GPHN: variants seen among roughly 807,000 people sequenced by gnomAD.
The protein encoded by GPHN is gephyrin.
GPHN carries 17 observed loss-of-function variants against 95.5 expected under a neutral mutation model. The ratio of observed to expected loss-of-function variants is 0.18; its 90% confidence interval spans 0.12 to 0.27. The LOEUF is 0.27. Among genes scored for constraint, GPHN ranks in the 10% least tolerant of loss-of-function variants. The probability of loss-of-function intolerance (pLI) is 1.00; values close to 1 mark genes in which losing one functional copy is unlikely to be tolerated. For missense variants in GPHN, 660 were observed against 978.1 expected (o/e 0.67, Z 4.34); for synonymous variants, 320 against 322.5 (o/e 0.99, Z 0.08).
the GPHN span, among the ~76,000 whole-genome samples, chr14:67,187,400 C>G: frequency 6.6e-6 from 1 of 152,088 alleles, no homozygotes; most frequent in African/African-American, 2.4e-5. Context: ...CTCCCTAAGC[C>G]CAGTGAGTCA....
At chr14:67,344,985 T>A in the GPHN span, among the ~76,000 whole-genome samples, 36 of 151,948 alleles carry the variant, frequency 2.4e-4, no homozygotes, top group Non-Finnish European at 3.8e-4. Flanking sequence ...CTCATACCTA[T>A]AATCCCAGCA....
At chr14:66,838,896 A>G (rs1026018232) in intron 4 of GPHN, among the ~76,000 whole-genome samples, 1 of 152,198 alleles carries the variant, frequency 6.6e-6, no homozygotes, top group African/African-American at 2.4e-5. Context: ...AGGGCAGAAT[A>G]TTTGTAACTT....
the GPHN span, among the ~76,000 whole-genome samples, chr14:67,403,040 A>G: frequency 6.6e-6 from 1 of 152,170 alleles, no homozygotes; most frequent in Non-Finnish European, 1.5e-5. Flanking sequence ...TCTCACCAAC[A>G]GTGTAGGAGG....
At chr14:66,768,806 T>C (rs1343318301) in intron 2 of GPHN, among the ~76,000 whole-genome samples, 1 of 151,716 alleles carries the variant, frequency 6.6e-6, no homozygotes, top group African/African-American at 2.4e-5. Flanking sequence ...AATATAGGAG[T>C]TTATTTCTAA....
At chr14:67,556,364 G>A in the GPHN span, among the ~76,000 whole-genome samples, 1 of 152,214 alleles carries the variant, frequency 6.6e-6, no homozygotes, top group Non-Finnish European at 1.5e-5. Context: ...TCAAACTGCT[G>A]GGCTCAAGCT....
the GPHN span, among the ~76,000 whole-genome samples, chr14:67,249,841 T>C: frequency 6.6e-6 from 1 of 152,240 alleles, no homozygotes; most frequent in Non-Finnish European, 1.5e-5. Context: ...TTGTGTGTTT[T>C]AGAAGTGCCT....
At chr14:66,565,196 A>G (rs530677548) in intron 1 of GPHN, among the ~76,000 whole-genome samples, 6 of 152,264 alleles carry the variant, frequency 3.9e-5, no homozygotes, top group African/African-American at 9.6e-5. Context: ...TTTGTTTTGT[A>G]GGAGAGATAG....
the GPHN span, among the ~76,000 whole-genome samples, chr14:67,240,279 G>A: frequency 6.6e-6 from 1 of 152,184 alleles, no homozygotes; most frequent in Non-Finnish European, 1.5e-5. Flanking sequence ...CTTAGTGAGG[G>A]ACACCACAAC....
intron 5 of GPHN, among the ~76,000 whole-genome samples, chr14:66,900,464 A>C (rs1204468676): frequency 6.7e-6 from 1 of 149,730 alleles, no homozygotes; most frequent in African/African-American, 2.5e-5. Flanking sequence ...TTTTTTTTTA[A>C]TCTATCTAAC....
At chr14:67,211,151 C>T in the GPHN span, among the ~76,000 whole-genome samples, 10 of 152,192 alleles carry the variant, frequency 6.6e-5, no homozygotes, top group Admixed American at 2.0e-4. Flanking sequence ...TACTATCTAC[C>T]ATGTAGAATT....
At chr14:67,716,350 AT>A in the GPHN span, among the ~76,000 whole-genome samples, 1 of 152,204 alleles carries the variant, frequency 6.6e-6, no homozygotes, top group African/African-American at 2.4e-5. Context: ...GAGGAGATAT[AT>A]TTAAGTTGGA....
At chr14:66,600,761 G>T (rs1023566595) in intron 1 of GPHN, among the ~76,000 whole-genome samples, 3 of 151,972 alleles carry the variant, frequency 2.0e-5, no homozygotes, top group Non-Finnish European at 4.4e-5. Context: ...GAACATTGTT[G>T]CACTTAATAG....
intron 2 of GPHN, among the ~76,000 whole-genome samples, chr14:66,712,880 A>G (rs2069791639): frequency 1.3e-5 from 2 of 151,892 alleles, no homozygotes; most frequent in South Asian, 4.2e-4. Flanking sequence ...TTTGATTTAC[A>G]TTTCTCTGAT....
the GPHN span, among the ~76,000 whole-genome samples, chr14:67,694,528 T>TC: frequency 6.8e-6 from 1 of 147,140 alleles, no homozygotes; most frequent in Non-Finnish European, 1.5e-5. Flanking sequence ...TTTTTTTTTT[T>TC]CCAGAAAAAT....
chr14:67,118,128 G>A (rs902916294), intron 16 of GPHN, among the ~76,000 whole-genome samples: 2 of 152,072 alleles, frequency 1.3e-5, no homozygotes, highest in Admixed American at 6.5e-5. Flanking sequence ...CTCTATAAAC[G>A]ATAGATTAAC....
intron 1 of GPHN, among the ~76,000 whole-genome samples, chr14:66,602,622 C>G (rs2062309282): frequency 6.6e-6 from 1 of 151,846 alleles, no homozygotes; most frequent in Non-Finnish European, 1.5e-5. Context: ...AGGAACTTTA[C>G]TAATTATTAA....
the GPHN span, among the ~76,000 whole-genome samples, chr14:67,247,043 G>A: frequency 6.6e-6 from 1 of 152,066 alleles, no homozygotes; most frequent in African/African-American, 2.4e-5. Context: ...TAGTTCCTTT[G>A]CTTTCTGTAT....
rs186444410 is a variant in GPHN at position 66,579,040 on chromosome 14, T to C, written c.64+70449T>C. ...TACAATAATTAAGTGATATACAATA[T>C]ATAAAATGTAAATTTTGACATCAGT... On this transcript the variant is annotated intron_variant, in intron 1 of 22. Transcript: ENST00000478722. 3.6e-3 allele frequency among the ~76,000 whole-genome samples: 554 copies of C among 151,960 alleles called. 12 individuals are homozygous for C. Among genetic ancestry groups the C allele is most frequent in the African/African-American group, 0.013 (527 of 41,520 alleles).
At chr14:67,255,783 G>C in the GPHN span, among the ~76,000 whole-genome samples, 1 of 152,160 alleles carries the variant, frequency 6.6e-6, no homozygotes, top group Non-Finnish European at 1.5e-5. Context: ...ACCCACCGGG[G>C]TTCAAACAAT....
Sources: allele counts gnomAD v4.1 joint callset (sites outside exome capture counted in the v4.1 genomes callset), GRCh38; gene constraint gnomAD v4.1.1; transcripts MANE v1.5; gene names NCBI Gene and HGNC (gene_info 2026-07-23, HGNC 2026-07-21).